Variants in CDK19 observed in about 807,000 individuals in gnomAD.
CDK19 encodes cyclin dependent kinase 19, also known as cyclin-dependent kinase 19.
A neutral mutation model predicts 68.3 loss-of-function variants in CDK19; 20 were observed. The ratio of observed to expected loss-of-function variants is 0.29; its 90% CI spans 0.21 to 0.43. The LOEUF is 0.43. CDK19 is among the 20% of genes least tolerant of loss of function. The probability of loss-of-function intolerance (pLI) is 1.00; values close to 1 mark genes in which losing one functional copy is unlikely to be tolerated. For synonymous variants in CDK19, 221 were observed against 222.8 expected (o/e 0.99, Z 0.07); for missense variants, 339 against 623.5 (o/e 0.54, Z 4.86).
chr6:110,732,764 C>T (rs1434005434), intron 2 of CDK19, among the ~76,000 whole-genome samples: 1 of 152,058 alleles, frequency 6.6e-6, no homozygotes, highest in African/African-American at 2.4e-5. Context: ...TAACCACCAA[C>T]CAAGATATAC....
chr6:110,767,151 A>G (rs922545677), intron 1 of CDK19, among the ~76,000 whole-genome samples: 1 of 146,190 alleles, frequency 6.8e-6, no homozygotes, highest in African/African-American at 2.5e-5. Flanking sequence ...ATAAATAAAT[A>G]AATAGGAAAA....
intron 5 of CDK19, among the ~76,000 whole-genome samples, chr6:110,637,220 T>TC (rs1315969044): frequency 6.6e-6 from 1 of 152,248 alleles, no homozygotes; most frequent in African/African-American, 2.4e-5. Flanking sequence ...GAAGGGACCA[T>TC]CCTTTATCTC....
chr6:110,641,956 G>A (rs577719139), intron 4 of CDK19, among the ~76,000 whole-genome samples: 1 of 152,206 alleles, frequency 6.6e-6, no homozygotes, highest in African/African-American at 2.4e-5. Context: ...AGCAGTGAAT[G>A]TTTGGTGTAG....
Position 110,613,578 on chromosome 6 carries a change from G to C in CDK19, c.*957C>G, listed in dbSNP as rs1286831824. On this transcript the variant is annotated 3_prime_UTR_variant, in exon 13 of 13. Transcript: ENST00000368911. ...ATGTGAAGAAACCAATGGTTCTTTA[G>C]AGAAGCCGACTTTATGTACAATACA... The C allele has an allele frequency of 6.6e-6, 1 of 152,562 alleles. No homozygotes were observed. The highest frequency in any genetic ancestry group is 2.4e-5 in the African/African-American group (1 of 41,428). 9.5% of individuals were successfully genotyped at this position (152,562 alleles called of 1,614,324 possible).
In CDK19 at chr6:110,789,451, G is replaced by T. The variant is rs965607419; in HGVS notation, c.128+25558C>A. Among the ~76,000 whole-genome samples, 5 of 152,034 alleles carry T rather than the reference G, an allele frequency of 3.3e-5. No homozygotes were observed. In the South Asian group the frequency reaches 8.3e-4, roughly 25 times the overall value. On this transcript the variant is annotated intron_variant, in intron 1 of 12. Transcript: ENST00000368911. ...GCACCACCACGCCCAGCTAATTTTT[G>T]TATTTTTAGTAGAGACGGGGTTTCA...
chr6:110,737,581 G>A (rs759258846), intron 2 of CDK19, among the ~76,000 whole-genome samples: 7 of 152,090 alleles, frequency 4.6e-5, no homozygotes, highest in Admixed American at 1.3e-4. Flanking sequence ...CTATTTGCTC[G>A]CTGGCTCCTT....
chr6:110,794,960 A>C (rs1291770749), intron 1 of CDK19, among the ~76,000 whole-genome samples: 2 of 152,100 alleles, frequency 1.3e-5, no homozygotes, highest in African/African-American at 4.8e-5. Flanking sequence ...ATTCCAAGGA[A>C]AACTTGCTGC....
intron 2 of CDK19, among the ~76,000 whole-genome samples, chr6:110,742,217 T>G (rs1777731112): frequency 6.6e-6 from 1 of 152,178 alleles, no homozygotes; most frequent in Non-Finnish European, 1.5e-5. Flanking sequence ...CTTTTATAAT[T>G]TATTACACCT....
chr6:110,678,598 A>G (rs1771730951), intron 2 of CDK19, among the ~76,000 whole-genome samples: 1 of 152,210 alleles, frequency 6.6e-6, no homozygotes, highest in African/African-American at 2.4e-5. Flanking sequence ...TCTTTCTGCA[A>G]GTACTAACAC....
At chr6:110,655,138 T>C (rs1047261735) in intron 4 of CDK19, among the ~76,000 whole-genome samples, 2 of 151,732 alleles carry the variant, frequency 1.3e-5, no homozygotes, top group Non-Finnish European at 2.9e-5. Context: ...GAGCCTGAGG[T>C]GGGTGGATCA....
chr6:110,756,908 G>A (rs1352457200), intron 1 of CDK19, among the ~76,000 whole-genome samples: 1 of 152,142 alleles, frequency 6.6e-6, no homozygotes, highest in African/African-American at 2.4e-5. Context: ...GAATATGAAT[G>A]AAAGAAAATA....
chr6:110,739,947 T>C (rs1777531965), intron 2 of CDK19, among the ~76,000 whole-genome samples: 1 of 152,036 alleles, frequency 6.6e-6, no homozygotes, highest in Admixed American at 6.6e-5. Context: ...GACTCAAGGG[T>C]AATAATCTTA....
intron 1 of CDK19, among the ~76,000 whole-genome samples, chr6:110,754,637 G>A (rs991976517): frequency 6.6e-6 from 1 of 151,900 alleles, no homozygotes; most frequent in Non-Finnish European, 1.5e-5. Flanking sequence ...GCGCAACCAT[G>A]CCCAGCTAAT....
chr6:110,790,941 G>A (rs1245072691), intron 1 of CDK19, among the ~76,000 whole-genome samples: 4 of 152,226 alleles, frequency 2.6e-5, no homozygotes, highest in Non-Finnish European at 4.4e-5. Flanking sequence ...GGAGGCTGAG[G>A]TAGGTGGATC....
chr6:110,725,383 A>G (rs1229898935), intron 2 of CDK19, among the ~76,000 whole-genome samples: 1 of 152,166 alleles, frequency 6.6e-6, no homozygotes, highest in Non-Finnish European at 1.5e-5. Context: ...TCTTCCCTAA[A>G]CCCTCTCAGA....
intron 1 of CDK19, among the ~76,000 whole-genome samples, chr6:110,770,827 C>T (rs929429173): frequency 2.0e-5 from 3 of 152,256 alleles, no homozygotes; most frequent in Non-Finnish European, 2.9e-5. Flanking sequence ...TACAGGCATT[C>T]CAAAGGGAGG....
intron 1 of CDK19, among the ~76,000 whole-genome samples, chr6:110,771,329 C>A (rs917636392): frequency 6.6e-6 from 1 of 152,188 alleles, no homozygotes; most frequent in African/African-American, 2.4e-5. Context: ...TTCTGTGCAC[C>A]CACAGGCTCA....
chr6:110,623,180 C>A (rs1406141072), intron 9 of CDK19, 110 bp downstream of exon 9: 5 of 868,462 alleles, frequency 5.8e-6, no homozygotes, highest in Middle Eastern at 4.4e-4. Context: ...TTTAATTTTA[C>A]CCCAGCATCC....
At chr6:110,623,238 A>G in intron 9 of CDK19, 52 bp downstream of exon 9, 1 of 1,423,154 alleles carries the variant, frequency 7.0e-7, no homozygotes, top group South Asian at 1.2e-5. Context: ...AGTAAATAGA[A>G]GGCGAGATTT....
Sources: gnomAD v4.1 joint callset for allele counts (sites outside exome capture counted in the v4.1 genomes callset) on GRCh38, gnomAD v4.1.1 for gene constraint, MANE v1.5 for transcripts, NCBI Gene and HGNC (gene_info 2026-07-23, HGNC 2026-07-21) for gene names.